The following RAP1B variants were observed in gnomAD, a reference collection of about 807,000 sequenced individuals.
The protein encoded by RAP1B is RAP1B, member of RAS oncogene family.
RAP1B carries 1 observed loss-of-function variant against 27.5 expected under a neutral mutation model. The observed-to-expected ratio is 0.04, with a 90% CI of 0.01 to 0.17. The LOEUF (loss-of-function observed/expected upper bound fraction) is 0.17. Ranked by LOEUF, RAP1B falls within the 10% of genes least tolerant of loss-of-function variation. RAP1B has a pLI of 1.00. For missense variants in RAP1B, 84 were observed against 214.8 expected, an observed-to-expected ratio of 0.39 and a Z score of 3.81; for synonymous variants, 75 against 73.1, an observed-to-expected ratio of 1.03 and a Z score of -0.13.
intron 1 of RAP1B, among the ~76,000 whole-genome samples, chr12:68,611,594 C>T (rs1278738224): frequency 2.6e-5 from 4 of 152,136 alleles, no homozygotes; most frequent in Non-Finnish European, 5.9e-5. Flanking sequence ...CCAGGCGCCC[C>T]GCGGGCTTGA....
At chr12:68,646,530 C>T (rs879408628) in intron 1 of RAP1B, among the ~76,000 whole-genome samples, 2 of 152,142 alleles carry the variant, frequency 1.3e-5, no homozygotes, top group African/African-American at 4.8e-5. Context: ...CCTTGTGATC[C>T]GCCTGCCTCA....
At chr12:68,613,148 T>G (rs1202202729) in intron 1 of RAP1B, among the ~76,000 whole-genome samples, 1 of 151,966 alleles carries the variant, frequency 6.6e-6, no homozygotes, top group Non-Finnish European at 1.5e-5. Flanking sequence ...TCATTTGAGG[T>G]GAAGAGTTCG....
intron 1 of RAP1B, among the ~76,000 whole-genome samples, chr12:68,647,002 G>T (rs1348010894): frequency 1.3e-5 from 2 of 152,110 alleles, no homozygotes; most frequent in African/African-American, 4.8e-5. Context: ...TAACTGTTGG[G>T]TCTTTGCCAG....
At chr12:68,654,487 C>G (rs976266725) in intron 5 of RAP1B, among the ~76,000 whole-genome samples, 2 of 151,466 alleles carry the variant, frequency 1.3e-5, no homozygotes, top group African/African-American at 2.4e-5. Flanking sequence ...AATGTTACAC[C>G]CTTCCTTTTT....
At position 68,621,232 on chromosome 12, in the gene RAP1B, C is replaced by T. The variant is rs143334209; in HGVS notation, c.-27+10189C>T. 1.9e-4 allele frequency among the ~76,000 whole-genome samples: 29 copies of T among 151,628 alleles called. No individual in the cohort carries two copies. In the East Asian group the frequency reaches 5.0e-3, roughly 26 times the overall value. On this transcript the variant is annotated intron_variant, in intron 1 of 7. Transcript: ENST00000250559. The stretch of plus-strand genomic sequence containing the variant: ...GAGAGCAAGGGAATTTAACAGGAAG[C>T]TTTAGTGCTCCCTATATTAAATAAT...
At chr12:68,630,491 G>T (rs1328444745) in intron 1 of RAP1B, among the ~76,000 whole-genome samples, 2 of 152,134 alleles carry the variant, frequency 1.3e-5, no homozygotes, top group African/African-American at 4.8e-5. Flanking sequence ...CCCCTCTAGG[G>T]CAAGAAACTG....
chr12:68,642,672 C>A, intron 1 of RAP1B: 1 of 1,139,500 alleles, frequency 8.8e-7, no homozygotes, highest in Admixed American at 1.7e-5. Flanking sequence ...ACAATCCTGG[C>A]CTTTGAGAGA....
At chr12:68,620,951 G>A (rs12312105) in intron 1 of RAP1B, among the ~76,000 whole-genome samples, 9,441 of 152,278 alleles carry the variant, frequency 0.062, 728 homozygotes, top group African/African-American at 0.19. Flanking sequence ...CAGATTAGGA[G>A]AGTGTTAAGA....
chr12:68,659,126 G>T (rs888229293), intron 7 of RAP1B, among the ~76,000 whole-genome samples, 154 bp from the exon 8 acceptor site: 5 of 152,214 alleles, frequency 3.3e-5, no homozygotes, highest in African/African-American at 1.2e-4. Flanking sequence ...GGTCTGCCGT[G>T]AATTGTGGTA....
intron 1 of RAP1B, among the ~76,000 whole-genome samples, chr12:68,625,492 C>T (rs1298832121): frequency 1.3e-5 from 2 of 152,184 alleles, no homozygotes; most frequent in African/African-American, 4.8e-5. Flanking sequence ...GTTAATTTTT[C>T]TCCTCTGAAC....
intron 3 of RAP1B, chr12:68,651,670 TTTTG>T (rs562894172): frequency 2.8e-5 from 7 of 250,618 alleles, no homozygotes; most frequent in South Asian, 7.0e-5. Flanking sequence ...CTGTTGCTGG[TTTTG>T]TTTGTTTATT....
intron 2 of RAP1B, 47 bp downstream of exon 2, chr12:68,648,828 T>C: frequency 9.2e-6 from 14 of 1,522,066 alleles, no homozygotes; most frequent in Non-Finnish European, 1.2e-5. Flanking sequence ...AAGACGTTCT[T>C]TTTCTGTTGA....
chr12:68,660,012 A>G lies in RAP1B; in HGVS notation c.*763A>G, dbSNP rs1178718267. 1 of 138,364 alleles carries G rather than the reference A, an allele frequency of 7.2e-6. No homozygotes were observed. The highest frequency in any genetic ancestry group is 2.8e-5 in the African/African-American group (1 of 35,766). The allele number at this position is 138,364 out of a possible 1,614,324, so 8.6% of individuals were successfully genotyped here. ...TGGGGGTCTACAACAAGAAGTGTATATTTTCAAACAATTTTTTAATGATTT... is the reference window on the plus strand; with the variant it reads ...TGGGGGTCTACAACAAGAAGTGTATGTTTTCAAACAATTTTTTAATGATTT... On this transcript the variant is annotated 3_prime_UTR_variant, in exon 8 of 8. Coordinates refer to ENST00000250559, the MANE Select transcript of RAP1B (RefSeq NM_001010942.3).
intron 5 of RAP1B, among the ~76,000 whole-genome samples, chr12:68,656,046 TTCTC>T (rs1216780028): frequency 6.6e-6 from 1 of 152,250 alleles, no homozygotes; most frequent in Non-Finnish European, 1.5e-5. Flanking sequence ...AGAGTTTTCT[TTCTC>T]TCTTTTCTTC....
rs1326356065 is a variant in RAP1B, at chr12:68,661,490, C to A, written c.*2241C>A. On this transcript the variant is annotated 3_prime_UTR_variant, in exon 8 of 8. Transcript: ENST00000250559. ...AGGATGTAGCAGCAACCAAGATCAA[C>A]TATAAAATGCTGCCCTCCTAGAATT... 6.6e-6 allele frequency: 1 copy of A among 152,116 alleles called. No individual in the cohort carries two copies. Among genetic ancestry groups the A allele is most frequent in the Non-Finnish European group, 1.5e-5 (1 of 68,028 alleles). 9.4% of individuals were successfully genotyped at this position (152,116 alleles called of 1,614,324 possible). A position where few individuals can be genotyped will look rare whatever the true frequency, so the allele number is the denominator to read the frequency against.
intron 1 of RAP1B, chr12:68,627,517 T>C (rs927851307): frequency 1.2e-5 from 3 of 250,080 alleles, no homozygotes; most frequent in Non-Finnish European, 2.4e-5. Flanking sequence ...TTCTGGGCCT[T>C]CACATTTAAA....
chr12:68,659,012 A>T (rs1055513035), intron 7 of RAP1B, among the ~76,000 whole-genome samples: 3 of 152,200 alleles, frequency 2.0e-5, no homozygotes, highest in African/African-American at 7.2e-5. Context: ...AAGGTAATGC[A>T]CAAAAATTTG....
At chr12:68,619,387 A>G (rs945312971) in intron 1 of RAP1B, among the ~76,000 whole-genome samples, 39 of 152,364 alleles carry the variant, frequency 2.6e-4, no homozygotes, top group African/African-American at 9.1e-4. Context: ...GAAATCTGTC[A>G]TTATTTGATT....
intron 2 of RAP1B, 41 bp from the exon 3 acceptor site, chr12:68,650,359 T>C (rs200756828): frequency 6.8e-7 from 1 of 1,472,810 alleles, no homozygotes; most frequent in Non-Finnish European, 9.1e-7. Context: ...GAATGTACTC[T>C]TTTCTTTAGA....
Sources: gnomAD v4.1 joint callset for allele counts (sites outside exome capture counted in the v4.1 genomes callset) on GRCh38, gnomAD v4.1.1 for gene constraint, MANE v1.5 for transcripts, NCBI Gene and HGNC (gene_info 2026-07-23, HGNC 2026-07-21) for gene names.